KCNT2: variants seen among roughly 807,000 people sequenced by gnomAD.
KCNT2 encodes potassium channel subfamily T member 2.
Under a neutral mutation model 153.8 loss-of-function variants are expected in KCNT2, and 67 were observed. The ratio of observed to expected loss-of-function variants is 0.44; its 90% CI spans 0.36 to 0.53. KCNT2 has a LOEUF of 0.53. Ranked by LOEUF, KCNT2 falls within the 20% of genes least tolerant of loss-of-function variation. KCNT2 has a pLI of 0.00. For synonymous variants in KCNT2, 500 were observed against 458.8 expected, an observed-to-expected ratio of 1.09 and a Z score of -1.15; for missense variants, 975 against 1,354.8, an observed-to-expected ratio of 0.72 and a Z score of 4.40.
intron 14 of KCNT2, among the ~76,000 whole-genome samples, chr1:196,348,561 C>A (rs964477038): frequency 2.6e-5 from 4 of 152,054 alleles, no homozygotes; most frequent in Non-Finnish European, 5.9e-5. Flanking sequence ...AGTAAAGAAT[C>A]CTTCCTAGCC....
rs200527707 is a variant in KCNT2 at position 196,258,444 on chromosome 1, T to C, written c.2961A>G (p.Lys987=). The change falls in exon 26 of 28, where the codon AAA becomes AAG. Residue 987 remains lysine (K), a synonymous_variant. Transcript: ENST00000294725. The part of the protein sequence containing the change: ...VEEWEDTKDS[K]EQGHHRSNHR... ...GGTTGCTGCGGTGGTGCCCTTGTTCTTTGGAGTCTTTGGTGTCTTCCCACT... is the reference window on the plus strand; with the variant it reads ...GGTTGCTGCGGTGGTGCCCTTGTTCCTTGGAGTCTTTGGTGTCTTCCCACT... 3 of 1,613,758 alleles carry C rather than the reference T, an allele frequency of 1.9e-6. No homozygotes were observed. In the East Asian group the frequency reaches 6.7e-5, roughly 36 times the overall value.
intron 4 of KCNT2, among the ~76,000 whole-genome samples, chr1:196,481,778 T>G (rs1679040997): frequency 6.6e-6 from 1 of 152,170 alleles, no homozygotes; most frequent in Non-Finnish European, 1.5e-5. Flanking sequence ...AGACATCTTG[T>G]GCTCTGTCAT....
At chr1:196,499,460 T>C (rs930726115) in intron 1 of KCNT2, among the ~76,000 whole-genome samples, 1 of 152,266 alleles carries the variant, frequency 6.6e-6, no homozygotes, top group African/African-American at 2.4e-5. Flanking sequence ...AGTTAGGACC[T>C]ACTGGACATT....
intron 16 of KCNT2, among the ~76,000 whole-genome samples, chr1:196,334,856 A>C (rs78877435): frequency 1.1e-4 from 17 of 151,898 alleles, no homozygotes; most frequent in African/African-American, 4.1e-4. Context: ...TTGATAGGAG[A>C]GAAGGCCACT....
chr1:196,322,786 T>A (rs1017152178), intron 19 of KCNT2, among the ~76,000 whole-genome samples: 1 of 151,968 alleles, frequency 6.6e-6, no homozygotes, highest in Non-Finnish European at 1.5e-5. Flanking sequence ...GTTTATTTTG[T>A]TAACATTTCC....
intron 22 of KCNT2, among the ~76,000 whole-genome samples, chr1:196,303,420 C>G (rs1330606660): frequency 2.0e-5 from 3 of 152,034 alleles, no homozygotes; most frequent in Admixed American, 6.6e-5. Flanking sequence ...TTCTTTTTCC[C>G]TAATGCAATA....
In KCNT2 at chr1:196,521,795, A is replaced by C. The variant is rs1002887174; in HGVS notation, c.96-29454T>G. Among the ~76,000 whole-genome samples the C allele has an allele frequency of 4.6e-5, 7 of 152,082 alleles. No homozygotes were observed. The South Asian group carries it at 1.4e-3, about 31-fold the overall frequency. On this transcript the variant is annotated intron_variant, in intron 1 of 27. Transcript: ENST00000294725. The stretch of plus-strand genomic sequence containing the variant: ...AACAATAGACACTAGGGCCTACTTG[A>C]AGGTGAAGGTTGGGAGGAGGGAGAG...
chr1:196,236,912 A>G (rs1208904795), intron 26 of KCNT2, among the ~76,000 whole-genome samples: 2 of 151,502 alleles, frequency 1.3e-5, no homozygotes, highest in South Asian at 4.1e-4. Context: ...ACTTCAGTAA[A>G]CATAATTCCT....
chr1:196,336,206 G>T (rs1223137067), intron 16 of KCNT2, among the ~76,000 whole-genome samples: 3 of 151,910 alleles, frequency 2.0e-5, no homozygotes, highest in African/African-American at 7.3e-5. Flanking sequence ...TCAACTCCTT[G>T]TCCTCTTCTC....
intron 24 of KCNT2, among the ~76,000 whole-genome samples, chr1:196,281,340 G>C (rs1419082252): frequency 6.6e-6 from 1 of 152,150 alleles, no homozygotes; most frequent in Admixed American, 6.5e-5. Context: ...GTAGGCAATA[G>C]AGCACTGGTA....
In KCNT2 at chr1:196,445,902, G is replaced by A. The variant is rs188099104; in HGVS notation, c.639-16145C>T. Among the ~76,000 whole-genome samples the A allele has an allele frequency of 1.4e-3, 202 of 147,610 alleles. 2 individuals carry two copies. The highest frequency in any genetic ancestry group is 5.0e-3 in the African/African-American group (196 of 39,194). ...AGTATCTTTACAGAATGGCCTCTTA[G>A]ACCAAAAAAAAAAAATTACTGCAAA... On this transcript the variant is annotated intron_variant, in intron 8 of 27. Coordinates refer to ENST00000294725, the MANE Select transcript of KCNT2 (RefSeq NM_198503.5).
chr1:196,255,730 T>A (rs1191608900), intron 26 of KCNT2, among the ~76,000 whole-genome samples: 2 of 151,910 alleles, frequency 1.3e-5, no homozygotes, highest in Non-Finnish European at 2.9e-5. Context: ...CCAAACTTAC[T>A]TAAAACCTTG....
At chr1:196,568,811 T>G (rs1045938642) in intron 1 of KCNT2, among the ~76,000 whole-genome samples, 3 of 151,052 alleles carry the variant, frequency 2.0e-5, no homozygotes, top group African/African-American at 7.3e-5. Flanking sequence ...GGTTCCAACA[T>G]AATTGAAGCA....
chr1:196,380,830 T>C (rs538882304), intron 13 of KCNT2, among the ~76,000 whole-genome samples: 32 of 152,208 alleles, frequency 2.1e-4, no homozygotes, highest in Non-Finnish European at 4.4e-4. Flanking sequence ...GAATAGATAA[T>C]GTCTTGCAAT....
intron 14 of KCNT2, among the ~76,000 whole-genome samples, chr1:196,368,472 G>T (rs1668229443): frequency 6.6e-6 from 1 of 152,114 alleles, no homozygotes; most frequent in African/African-American, 2.4e-5. Flanking sequence ...TAATGAAGTA[G>T]CAATCTCCAA....
At chr1:196,315,243 TG>T (rs1021348027) in intron 21 of KCNT2, among the ~76,000 whole-genome samples, 1 of 151,644 alleles carries the variant, frequency 6.6e-6, no homozygotes, top group Non-Finnish European at 1.5e-5. Flanking sequence ...AAATTTCATA[TG>T]ATTTTAGGGA....
At position 196,596,858 on chromosome 1, in the gene KCNT2, A is replaced by T. The variant is rs996122190; in HGVS notation, c.95+11357T>A. On this transcript the variant is annotated intron_variant, in intron 1 of 27. Coordinates refer to ENST00000294725, the MANE Select transcript of KCNT2 (RefSeq NM_198503.5). ...CTAGGATTACAGCACACACCAACACACCTGGCTAATTTTTTGTACTTTTTG... is the reference window on the plus strand; with the variant it reads ...CTAGGATTACAGCACACACCAACACTCCTGGCTAATTTTTTGTACTTTTTG... Among the ~76,000 whole-genome samples, 8 of 152,022 alleles carry T rather than the reference A, an allele frequency of 5.3e-5. No individual in the cohort carries two copies. In the East Asian group the frequency reaches 7.8e-4, roughly 15 times the overall value.
chr1:196,305,329 T>G lies in KCNT2; in HGVS notation c.2500A>C (p.Ser834Arg), dbSNP rs200687097. The change falls in exon 22 of 28, where the codon AGT (serine) becomes CGT (arginine). Residue 834 changes from serine (S) to arginine (R), a missense_variant. By Grantham distance (110) the Ser-to-Arg change is moderately radical. Around this residue, in one of 6 missense-constraint regions of KCNT2, gnomAD observed 66 missense variants for 147.9 expected, o/e 0.45. Transcript: ENST00000294725. ...QTLFRLFSSL[S>R]IITELTHPAN... Reference sequence around the variant, plus strand: ...GGGTGAGTTAGCTCTGTGATAATACTGAGACTGGAAAACAACCTACATTTC... The same window carrying G: ...GGGTGAGTTAGCTCTGTGATAATACGGAGACTGGAAAACAACCTACATTTC... The G allele has an allele frequency of 6.2e-7, 1 of 1,603,048 alleles. No homozygotes were observed. The highest frequency in any genetic ancestry group is 2.2e-5 in the East Asian group (1 of 44,740).
chr1:196,607,433 A>T (rs1203303685), intron 1 of KCNT2, among the ~76,000 whole-genome samples: 2 of 152,258 alleles, frequency 1.3e-5, no homozygotes, highest in African/African-American at 4.8e-5. Context: ...CAAAGCAGTA[A>T]TGCTATAAAT....
Sources: gnomAD v4.1 joint callset for allele counts (sites outside exome capture counted in the v4.1 genomes callset) on GRCh38, gnomAD v4.1.1 for gene constraint, gnomAD v4.1.1 regional missense constraint, MANE v1.5 for transcripts, NCBI Gene and HGNC (gene_info 2026-07-23, HGNC 2026-07-21) for gene names.